HSDL2: variants seen among roughly 807,000 people sequenced by gnomAD.
The protein encoded by HSDL2 is hydroxysteroid dehydrogenase-like protein 2.
In HSDL2, 27 loss-of-function variants were observed where a neutral mutation model predicts 46.3. The ratio of observed to expected loss-of-function variants is 0.58; its 90% CI spans 0.43 to 0.80. The LOEUF (loss-of-function observed/expected upper bound fraction) is 0.80. Ranked by LOEUF, HSDL2 falls within the 30% of genes least tolerant of loss-of-function variation. The pLI, the probability that HSDL2 is intolerant of heterozygous loss-of-function variation, is 0.00. For missense variants in HSDL2, 451 were observed against 502.7 expected, an observed-to-expected ratio of 0.90 and a Z score of 0.98; for synonymous variants, 153 against 163.6, an observed-to-expected ratio of 0.94 and a Z score of 0.50.
intron 1 of HSDL2, among the ~76,000 whole-genome samples, chr9:112,386,034 A>C (rs541196659): frequency 6.6e-6 from 1 of 151,984 alleles, no homozygotes; most frequent in Non-Finnish European, 1.5e-5. Context: ...CAGCCTCCCA[A>C]AGTGTTGTGA....
chr9:112,406,325 T>G (rs971622266), intron 3 of HSDL2, among the ~76,000 whole-genome samples: 1 of 152,188 alleles, frequency 6.6e-6, no homozygotes, highest in African/African-American at 2.4e-5. Context: ...CTGCACAATC[T>G]ATGTATGTGA....
At chr9:112,389,538 T>C (rs868004165) in intron 1 of HSDL2, among the ~76,000 whole-genome samples, 2 of 152,136 alleles carry the variant, frequency 1.3e-5, no homozygotes, top group African/African-American at 4.8e-5. Context: ...TTAAAAACAA[T>C]GGAGTACCTA....
At chr9:112,383,709 A>C (rs115177644) in intron 1 of HSDL2, among the ~76,000 whole-genome samples, 1,645 of 152,206 alleles carry the variant, frequency 0.011, 36 homozygotes, top group African/African-American at 0.038. Context: ...TGTTTACTTA[A>C]TTAATTAATT....
chr9:112,454,145 A>G lies in HSDL2; in HGVS notation c.998A>G (p.Tyr333Cys). The change falls in exon 9 of 11, where the codon TAT (tyrosine) becomes TGT (cysteine). Residue 333 changes from tyrosine (Y) to cysteine (C), a missense_variant. Physicochemically the swap from Tyr to Cys is radical, Grantham distance 194. Transcript: ENST00000398805. The part of the protein sequence containing the change: ...DDVVKATQAI[Y>C]LFELSGEDGG... ...GTTGTTAAAGCCACTCAAGCAATCT[A>G]TCTGTTTGAACTCTCCGGTAAGGAC... 3.1e-6 allele frequency: 5 copies of G among 1,613,588 alleles called. No individual in the cohort carries two copies. The highest frequency in any genetic ancestry group is 4.2e-6 in the Non-Finnish European group (5 of 1,179,782).
intron 6 of HSDL2, among the ~76,000 whole-genome samples, chr9:112,430,101 GAA>G (rs1447736827): frequency 6.6e-6 from 1 of 151,824 alleles, no homozygotes; most frequent in Non-Finnish European, 1.5e-5. Flanking sequence ...AAAAAAGAAA[GAA>G]AAGAGATGTT....
At position 112,416,105 on chromosome 9, in the gene HSDL2, C is replaced by CAAA. The variant is rs35263826; in HGVS notation, c.396-723_396-721dup. The stretch of plus-strand genomic sequence containing the variant: ...TGGGCAACAGAGCCAGACTCCGTCT[C>CAAA]AAAAAAAAAAAAAAAGTGGATTGGC... On this transcript the variant is annotated intron_variant, in intron 4 of 10. Coordinates refer to ENST00000398805, the MANE Select transcript of HSDL2 (RefSeq NM_032303.5). Among the ~76,000 whole-genome samples, 90 of 132,012 alleles carry CAAA rather than the reference C, an allele frequency of 6.8e-4. 1 individual carries two copies. Among genetic ancestry groups the CAAA allele is most frequent in the African/African-American group, 2.3e-3 (84 of 35,952 alleles). The allele number at this position is 132,012 out of a possible 152,430, so 86.6% of individuals were successfully genotyped here.
intron 6 of HSDL2, among the ~76,000 whole-genome samples, chr9:112,421,872 T>G (rs1221448667): frequency 6.6e-6 from 1 of 152,126 alleles, no homozygotes; most frequent in African/African-American, 2.4e-5. Context: ...TATGAAGGAA[T>G]GAGTAAGACT....
At chr9:112,412,434 C>A (rs1368283955) in intron 4 of HSDL2, among the ~76,000 whole-genome samples, 11 of 152,266 alleles carry the variant, frequency 7.2e-5, no homozygotes. Context: ...TTATTAAAAT[C>A]TAAACAAATG....
intron 1 of HSDL2, among the ~76,000 whole-genome samples, chr9:112,383,166 C>T (rs1831136632): frequency 6.6e-6 from 1 of 152,004 alleles, no homozygotes; most frequent in Non-Finnish European, 1.5e-5. Context: ...CTCTGCCTCC[C>T]AGGTTTAAGT....
At chr9:112,397,414 G>A (rs1416139656) in intron 1 of HSDL2, among the ~76,000 whole-genome samples, 1 of 152,166 alleles carries the variant, frequency 6.6e-6, no homozygotes, top group Non-Finnish European at 1.5e-5. Context: ...CCTTGAGCGT[G>A]CTCATCAGAG....
At chr9:112,438,019 G>A (rs752735458) in intron 6 of HSDL2, among the ~76,000 whole-genome samples, 4 of 152,062 alleles carry the variant, frequency 2.6e-5, no homozygotes, top group African/African-American at 4.8e-5. Context: ...AGGCTGAGGC[G>A]GACGGATCAC....
At chr9:112,400,600 C>G (rs529835995) in intron 1 of HSDL2, among the ~76,000 whole-genome samples, 4 of 152,194 alleles carry the variant, frequency 2.6e-5, no homozygotes, top group African/African-American at 9.7e-5. Context: ...AGTGAGACTC[C>G]GTCTCAAACA....
intron 3 of HSDL2, among the ~76,000 whole-genome samples, chr9:112,407,544 G>A (rs1473608461): frequency 6.6e-6 from 1 of 152,028 alleles, no homozygotes; most frequent in East Asian, 1.9e-4. Flanking sequence ...AGCCTCCCAA[G>A]AAGCTGGGAC....
intron 3 of HSDL2, among the ~76,000 whole-genome samples, chr9:112,407,463 C>T (rs1831757180): frequency 1.3e-5 from 2 of 151,980 alleles, no homozygotes; most frequent in Non-Finnish European, 2.9e-5. Flanking sequence ...GTCACCCAGA[C>T]TGGTATGTAG....
Position 112,454,067 on chromosome 9 carries a change from C to G in HSDL2, c.920C>G (p.Ser307Cys). The change falls in exon 9 of 11, where the codon TCT becomes TGT. Residue 307 changes from serine (S) to cysteine (C), a missense_variant. Transcript: ENST00000398805. ...EKLQLQPKPR[S>C]GAVEETFRIV... ...CTGCAGCTGCAACCAAAACCACGTT[C>G]TGGAGCTGTGGAAGAAACATTTAGA... The G allele has an allele frequency of 6.2e-7, 1 of 1,613,818 alleles. No homozygotes were observed. The highest frequency in any genetic ancestry group is 1.1e-5 in the South Asian group (1 of 91,066).
At chr9:112,463,281 A>C (rs1199251099) in intron 10 of HSDL2, among the ~76,000 whole-genome samples, 1 of 150,922 alleles carries the variant, frequency 6.6e-6, no homozygotes, top group Non-Finnish European at 1.5e-5. Context: ...TTTTTCACTT[A>C]AAATAAAATA....
At chr9:112,457,091 T>C (rs1346230370) in intron 9 of HSDL2, among the ~76,000 whole-genome samples, 2 of 151,848 alleles carry the variant, frequency 1.3e-5, no homozygotes, top group African/African-American at 4.8e-5. Context: ...GAGGTTGCGG[T>C]GAGCCCAGAT....
chr9:112,385,741 C>T (rs976603759), intron 1 of HSDL2, among the ~76,000 whole-genome samples: 2 of 152,006 alleles, frequency 1.3e-5, no homozygotes, highest in Admixed American at 6.6e-5. Context: ...GATCCGCCCA[C>T]CTCAGCCTCC....
At chr9:112,468,470 A>G (rs1043192768) in intron 10 of HSDL2, among the ~76,000 whole-genome samples, 4 of 152,040 alleles carry the variant, frequency 2.6e-5, no homozygotes, top group Non-Finnish European at 5.9e-5. Context: ...TGTTGACTAA[A>G]ATTTTACTTT....
Sources: allele counts gnomAD v4.1 joint callset (sites outside exome capture counted in the v4.1 genomes callset), GRCh38; gene constraint gnomAD v4.1.1; transcripts MANE v1.5; gene names NCBI Gene and HGNC (gene_info 2026-07-23, HGNC 2026-07-21).